PRDM11: variants seen among roughly 807,000 people sequenced by gnomAD.
PRDM11 encodes PR domain-containing protein 11.
In PRDM11, 20 loss-of-function variants were observed where a neutral mutation model predicts 97.8. That is an observed-to-expected ratio of 0.20 (90% confidence interval 0.14 to 0.30). The LOEUF is 0.30. PRDM11 is among the 10% of genes least tolerant of loss of function. PRDM11 has a pLI of 1.00. For missense variants in PRDM11, 1,139 were observed against 1,555.2 expected (o/e 0.73, Z 4.50); for synonymous variants, 599 against 637.7 (o/e 0.94, Z 0.91).
chr11:45,209,261 G>A (rs1214245980), intron 5 of PRDM11: 8 of 374,638 alleles, frequency 2.1e-5, no homozygotes, highest in African/African-American at 4.2e-5. Context: ...TCCCCAGGGC[G>A]GAACTGGATG....
At chr11:45,170,353 G>GA (rs1565285420) in intron 1 of PRDM11, among the ~76,000 whole-genome samples, 1 of 149,326 alleles carries the variant, frequency 6.7e-6, no homozygotes, top group African/African-American at 2.4e-5. Context: ...AAAAAAAAAA[G>GA]AAAAAAATCC....
upstream of PRDM11, among the ~76,000 whole-genome samples, chr11:45,094,189 A>G (rs1231997200): frequency 6.6e-6 from 1 of 152,230 alleles, no homozygotes; most frequent in Non-Finnish European, 1.5e-5. Context: ...TTGCAGCTCA[A>G]TGAATGTGAG....
intron 1 of PRDM11, among the ~76,000 whole-genome samples, chr11:45,171,074 T>C (rs905711983): frequency 1.3e-5 from 2 of 151,862 alleles, no homozygotes; most frequent in African/African-American, 4.8e-5. Context: ...AGGTTATGGG[T>C]TTTTTGTTGT....
chr11:45,173,129 G>A (rs77221364), intron 1 of PRDM11, among the ~76,000 whole-genome samples: 5,795 of 152,242 alleles, frequency 0.038, 152 homozygotes, highest in South Asian at 0.059. Context: ...GGGGAGGGAG[G>A]TGGCATTGCT....
chr11:45,214,205 A>G (rs1464151971), intron 5 of PRDM11: 2 of 164,256 alleles, frequency 1.2e-5, no homozygotes, highest in African/African-American at 4.8e-5. Flanking sequence ...ATACACCTCT[A>G]GCTTCATGTT....
intron 1 of PRDM11, among the ~76,000 whole-genome samples, chr11:45,125,950 T>TC (rs1852560215): frequency 6.6e-6 from 1 of 152,212 alleles, no homozygotes; most frequent in South Asian, 2.1e-4. Context: ...TGTTAAAGTC[T>TC]CCCATTATTA....
chr11:45,107,122 G>A (rs918356031), intron 1 of PRDM11, among the ~76,000 whole-genome samples: 1 of 152,162 alleles, frequency 6.6e-6, no homozygotes, highest in Non-Finnish European at 1.5e-5. Context: ...TGTTTAGGGG[G>A]CCCAGGGGCC....
intron 1 of PRDM11, among the ~76,000 whole-genome samples, chr11:45,147,096 C>G (rs1257198376): frequency 1.3e-5 from 2 of 149,878 alleles, no homozygotes; most frequent in Non-Finnish European, 3.0e-5. Flanking sequence ...GGTGAACCCT[C>G]GGCAGGTAGC....
At chr11:45,213,542 C>G (rs1211176227) in intron 5 of PRDM11, 1 of 456,346 alleles carries the variant, frequency 2.2e-6, no homozygotes, top group Non-Finnish European at 4.4e-6. Context: ...CGCCTTGGCC[C>G]TCCGCTTGCC....
rs147452752 is a variant in PRDM11 at position 45,096,347 on chromosome 11, GC to G, written c.96+447del. ...AGCACCTATTGTGTGCAGGCACCGT[GC>G]TGGATGCTTTAGGTAAACCATTTCA... On this transcript the variant is annotated intron_variant, in intron 1 of 6. Transcript: ENST00000530656. 2.2e-3 allele frequency among the ~76,000 whole-genome samples: 342 copies of G among 152,328 alleles called. 2 individuals are homozygous for G. Among genetic ancestry groups the G allele is most frequent in the African/African-American group, 8.1e-3 (335 of 41,578 alleles).
At chr11:45,130,671 C>A (rs1852696851) in intron 1 of PRDM11, among the ~76,000 whole-genome samples, 1 of 152,066 alleles carries the variant, frequency 6.6e-6, no homozygotes, top group Admixed American at 6.6e-5. Flanking sequence ...TAAGTGTACA[C>A]CAAATTTTGA....
In PRDM11 at chr11:45,224,172, T is replaced by C. The variant is rs761642290; in HGVS notation, c.743-45T>C. 4 of 1,524,032 alleles carry C rather than the reference T, an allele frequency of 2.6e-6. No homozygotes were observed. The East Asian group carries it at 9.0e-5, about 34-fold the overall frequency. The allele number at this position is 1,524,032 out of a possible 1,614,324, so 94.4% of individuals were successfully genotyped here. On this transcript the variant is annotated intron_variant, in intron 6 of 7. Transcript: ENST00000683152. Reference sequence around the variant, plus strand: ...TTTGTTTTCTGTTGGTTTCTCCAATTTGGGGGTTTTCCCCATTTCCTTACA... The same window carrying C: ...TTTGTTTTCTGTTGGTTTCTCCAATCTGGGGGTTTTCCCCATTTCCTTACA...
intron 1 of PRDM11, among the ~76,000 whole-genome samples, chr11:45,132,782 A>G (rs2135650164): frequency 6.6e-6 from 1 of 152,328 alleles, no homozygotes; most frequent in South Asian, 2.1e-4. Context: ...ACTCAAGGTC[A>G]CCCAGCTACC....
At chr11:45,136,832 G>T (rs928980304) in intron 1 of PRDM11, among the ~76,000 whole-genome samples, 42 of 151,988 alleles carry the variant, frequency 2.8e-4, no homozygotes, top group South Asian at 1.0e-3. Context: ...TGAGGAGGGT[G>T]GGAAACTGCT....
rs1171576214 is a variant in PRDM11 at position 45,231,005 on chromosome 11, C to G, written c.*2846C>G. 1 of 152,216 alleles carries G rather than the reference C, an allele frequency of 6.6e-6. No individual in the cohort carries two copies. Among genetic ancestry groups the G allele is most frequent in the Non-Finnish European group, 1.5e-5 (1 of 68,060 alleles). The allele number at this position is 152,216 out of a possible 1,614,324, so 9.4% of individuals were successfully genotyped here. A position where few individuals can be genotyped will look rare whatever the true frequency, so the allele number is the denominator to read the frequency against. On this transcript the variant is annotated 3_prime_UTR_variant, in exon 8 of 8. Transcript: ENST00000683152. ...CAGCATGCAGCTGCAGGGGTCACTT[C>G]CTGAGCTGGCCACCAGACCTCGGAA...
At chr11:45,196,605 A>G (rs1853130349) in intron 4 of PRDM11, among the ~76,000 whole-genome samples, 1 of 152,184 alleles carries the variant, frequency 6.6e-6, no homozygotes, top group Admixed American at 6.5e-5. Flanking sequence ...TCTGCTTGAC[A>G]GCTGCTTCTC....
intron 1 of PRDM11, among the ~76,000 whole-genome samples, chr11:45,169,821 A>G (rs1340474572): frequency 2.6e-5 from 4 of 152,174 alleles, no homozygotes; most frequent in African/African-American, 9.6e-5. Context: ...TGTCTCTCCC[A>G]TGACGTGTTC....
intron 1 of PRDM11, among the ~76,000 whole-genome samples, chr11:45,137,943 T>A (rs1852907771): frequency 6.6e-6 from 1 of 152,014 alleles, no homozygotes; most frequent in African/African-American, 2.4e-5. Context: ...CACGCACACA[T>A]ACACACACAT....
Position 45,227,379 on chromosome 11 carries a change from G to C in PRDM11, c.2754G>C (p.Glu918Asp), listed in dbSNP as rs1022151576. Reference protein sequence around the residue: ...VDDKIEEAIQEISRLADSPGE... With the variant: ...VDDKIEEAIQDISRLADSPGE... The stretch of plus-strand genomic sequence containing the variant: ...ACAAGATCGAGGAGGCCATCCAGGA[G>C]ATCAGCCGGCTGGCTGACTCCCCGG... The change falls in exon 8 of 8, where the codon GAG (glutamate) becomes GAC (aspartate). Residue 918 changes from glutamate to aspartate, a missense_variant. By Grantham distance (45) the Glu-to-Asp change is conservative. Transcript: ENST00000683152. The surrounding 1 kb of genome is among the most constrained non-coding windows in gnomAD (Gnocchi z 8.0). 16 of 1,533,866 alleles carry C rather than the reference G, an allele frequency of 1.0e-5. No individual in the cohort carries two copies. Among genetic ancestry groups the C allele is most frequent in the African/African-American group, 1.4e-5 (1 of 72,982 alleles).
Sources: gnomAD v4.1 joint callset for allele counts (sites outside exome capture counted in the v4.1 genomes callset) on GRCh38, gnomAD v4.1.1 for gene constraint, Gnocchi (gnomAD v3.1) non-coding constraint, MANE v1.5 for transcripts, NCBI Gene and HGNC (gene_info 2026-07-23, HGNC 2026-07-21) for gene names.